WDPCP: variants seen among roughly 807,000 people sequenced by gnomAD.
The protein encoded by WDPCP is WD repeat containing planar cell polarity effector.
WDPCP carries 71 observed loss-of-function variants against 93.1 expected under a neutral mutation model. That is an observed-to-expected ratio of 0.76 (90% CI 0.63 to 0.93). The LOEUF (loss-of-function observed/expected upper bound fraction) is 0.93, where lower values mean the gene tolerates loss of function less well. Among genes scored for constraint, WDPCP ranks in the 40% least tolerant of loss-of-function variants. WDPCP has a pLI of 0.00. For synonymous variants in WDPCP, 315 were observed against 315.0 expected (o/e 1.00, Z 0.00); for missense variants, 844 against 887.4 (o/e 0.95, Z 0.62).
rs143056107 is a variant in WDPCP, at chr2:63,223,871, G to T, written c.1915+35436C>A. Among the ~76,000 whole-genome samples the T allele has an allele frequency of 2.6e-5, 4 of 152,042 alleles. No homozygotes were observed. The East Asian group carries it at 7.7e-4, about 29-fold the overall frequency. On this transcript the variant is annotated intron_variant, in intron 14 of 17. Transcript: ENST00000272321. The stretch of plus-strand genomic sequence containing the variant: ...CATACTATATATGGGGTGTGTTTCT[G>T]GCTTATTTGCTTCCGTTGGTCTGTT...
intron 14 of WDPCP, among the ~76,000 whole-genome samples, chr2:63,235,199 G>C (rs1044502728): frequency 6.6e-6 from 1 of 152,086 alleles, no homozygotes; most frequent in African/African-American, 2.4e-5. Flanking sequence ...AAGATCCTCA[G>C]AAACTGATAC....
At chr2:63,429,949 A>C (rs1183312382) in intron 9 of WDPCP, among the ~76,000 whole-genome samples, 1 of 146,632 alleles carries the variant, frequency 6.8e-6, no homozygotes, top group Admixed American at 6.8e-5. Context: ...TGCCCATCGA[A>C]TGGTGGACTG....
intron 9 of WDPCP, among the ~76,000 whole-genome samples, chr2:63,427,032 G>T (rs1696370609): frequency 6.6e-6 from 1 of 152,180 alleles, no homozygotes; most frequent in African/African-American, 2.4e-5. Context: ...GATTCAACAA[G>T]ATGATCTAAC....
upstream of WDPCP, among the ~76,000 whole-genome samples, chr2:63,592,419 T>C (rs1018444133): frequency 1.1e-4 from 16 of 152,222 alleles, no homozygotes; most frequent in Admixed American, 8.5e-4. Flanking sequence ...CACACAGTAA[T>C]GGCTCACTGT....
At chr2:63,782,490 A>G (rs1670409454) in intron 2 of WDPCP, among the ~76,000 whole-genome samples, 1 of 152,198 alleles carries the variant, frequency 6.6e-6, no homozygotes, top group African/African-American at 2.4e-5. Flanking sequence ...AAAACTGGGC[A>G]AAGTGGGCAA....
intron 2 of WDPCP, among the ~76,000 whole-genome samples, chr2:63,747,666 A>C (rs533821718): frequency 1.3e-5 from 2 of 152,012 alleles, no homozygotes; most frequent in African/African-American, 4.8e-5. Flanking sequence ...ATACTGTACT[A>C]TCTTAAGAAC....
chr2:63,592,975 A>AG (rs1458642836), upstream of WDPCP: 1 of 152,108 alleles, frequency 6.6e-6, no homozygotes, highest in Non-Finnish European at 1.5e-5. Context: ...AAAAACGTGT[A>AG]GGCCATTAAA....
At chr2:63,577,518 T>C (rs538518539) in intron 1 of WDPCP, among the ~76,000 whole-genome samples, 1 of 152,292 alleles carries the variant, frequency 6.6e-6, no homozygotes, top group South Asian at 2.1e-4. Context: ...TTAAATATTT[T>C]ATGTAGACAG....
At chr2:63,300,777 A>T (rs1265684123) in intron 13 of WDPCP, among the ~76,000 whole-genome samples, 1 of 152,226 alleles carries the variant, frequency 6.6e-6, no homozygotes, top group African/African-American at 2.4e-5. Flanking sequence ...CCCCCACCAC[A>T]GTGACTGTCT....
intron 1 of WDPCP, among the ~76,000 whole-genome samples, chr2:63,524,071 C>T (rs576624719): frequency 1.2e-4 from 19 of 152,152 alleles, no homozygotes; most frequent in African/African-American, 4.6e-4. Flanking sequence ...AGTGGAACAC[C>T]TCCACAATGA....
intron 3 of WDPCP, among the ~76,000 whole-genome samples, chr2:63,633,394 A>G (rs1308793239): frequency 1.3e-5 from 2 of 152,236 alleles, no homozygotes; most frequent in African/African-American, 2.4e-5. Context: ...AAGCTACATT[A>G]ATTTGTTCAT....
intron 12 of WDPCP, among the ~76,000 whole-genome samples, chr2:63,335,884 T>C (rs1278603454): frequency 6.6e-6 from 1 of 151,714 alleles, no homozygotes; most frequent in Non-Finnish European, 1.5e-5. Context: ...AGTAAAGGAG[T>C]CAGACAAAAC....
chr2:63,391,959 C>T (rs1465980486), intron 10 of WDPCP, among the ~76,000 whole-genome samples: 3 of 152,116 alleles, frequency 2.0e-5, no homozygotes, highest in Non-Finnish European at 4.4e-5. Context: ...GGCCATACTG[C>T]CCAAGGTAAT....
At chr2:63,177,556 G>A (rs1181024319) in intron 14 of WDPCP, among the ~76,000 whole-genome samples, 3 of 152,090 alleles carry the variant, frequency 2.0e-5, no homozygotes, top group Admixed American at 2.0e-4. Context: ...TGTCAGAAAT[G>A]CAATGAATTT....
chr2:63,270,038 G>T (rs561275771), intron 13 of WDPCP, among the ~76,000 whole-genome samples: 1 of 152,272 alleles, frequency 6.6e-6, no homozygotes, highest in African/African-American at 2.4e-5. Flanking sequence ...ACCATATTTT[G>T]TAGCTTTGAG....
At chr2:63,619,421 G>A (rs754442246) in intron 3 of WDPCP, among the ~76,000 whole-genome samples, 3 of 152,076 alleles carry the variant, frequency 2.0e-5, no homozygotes, top group African/African-American at 4.8e-5. Flanking sequence ...AATCTAAAAT[G>A]AGCCTTCCTC....
chr2:63,359,407 C>A (rs1308620138), intron 12 of WDPCP, among the ~76,000 whole-genome samples: 1 of 152,090 alleles, frequency 6.6e-6, no homozygotes, highest in Non-Finnish European at 1.5e-5. Context: ...AACATAAGTA[C>A]ATGAAAAGAT....
At chr2:63,819,022 AC>A (rs1484172409) in intron 1 of WDPCP, among the ~76,000 whole-genome samples, 4 of 152,204 alleles carry the variant, frequency 2.6e-5, no homozygotes, top group Non-Finnish European at 4.4e-5. Flanking sequence ...TATATAATAT[AC>A]ACACATAGAT....
intron 12 of WDPCP, among the ~76,000 whole-genome samples, chr2:63,329,857 C>G (rs1687848043): frequency 6.6e-6 from 1 of 152,066 alleles, no homozygotes. Context: ...CTTTTTGTGT[C>G]TGGCTTACTC....
Sources: gnomAD v4.1 joint callset for allele counts (sites outside exome capture counted in the v4.1 genomes callset) on GRCh38, gnomAD v4.1.1 for gene constraint, MANE v1.5 for transcripts, NCBI Gene and HGNC (gene_info 2026-07-23, HGNC 2026-07-21) for gene names.